The following OLFM3 variants were observed in gnomAD, a reference collection of about 807,000 sequenced individuals.
The protein encoded by OLFM3 is olfactomedin 3, also known as noelin-3.
Under a neutral mutation model 48.6 loss-of-function variants are expected in OLFM3, and 20 were observed. That is an observed-to-expected ratio of 0.41 (90% confidence interval 0.29 to 0.60). OLFM3 has a LOEUF of 0.60. Ranked by LOEUF, OLFM3 falls within the 20% of genes least tolerant of loss-of-function variation. The probability of loss-of-function intolerance (pLI) is 0.28; values close to 1 mark genes in which losing one functional copy is unlikely to be tolerated. For synonymous variants in OLFM3, 222 were observed against 198.1 expected, an observed-to-expected ratio of 1.12 and a Z score of -1.01; for missense variants, 437 against 544.3, an observed-to-expected ratio of 0.80 and a Z score of 1.96.
At chr1:101,935,989 A>G (rs1027900193) in intron 1 of OLFM3, among the ~76,000 whole-genome samples, 2 of 152,120 alleles carry the variant, frequency 1.3e-5, no homozygotes, top group Admixed American at 1.3e-4. Context: ...AATAAGAACC[A>G]TCTATGACAA....
intron 1 of OLFM3, among the ~76,000 whole-genome samples, chr1:101,913,606 AAG>A (rs1374093401): frequency 6.6e-6 from 1 of 152,084 alleles, no homozygotes; most frequent in Non-Finnish European, 1.5e-5. Flanking sequence ...TTAAGTAAAG[AAG>A]ATAATGTCAG....
chr1:101,836,879 C>T lies in OLFM3; in HGVS notation c.216G>A (p.Lys72=), dbSNP rs1293072049. Residue 72 remains lysine (K), a splice_region_variant and synonymous_variant, in exon 2 of 6, where the codon AAG becomes AAA. Transcript: ENST00000370103. ...KSRQLRQLLE[K]VQNMSQSIEV... is the part of the protein sequence containing the mutation. ...TGCATAGGGGACACAGGACACCTAC[C>T]TTTTCCAGTAGTTGGCGAAGTTGCC... The T allele has an allele frequency of 6.2e-6, 10 of 1,613,946 alleles. No individual in the cohort carries two copies. Among genetic ancestry groups the T allele is most frequent in the Non-Finnish European group, 8.5e-6 (10 of 1,179,954 alleles).
At chr1:101,959,850 T>A (rs1378698729) in intron 1 of OLFM3, among the ~76,000 whole-genome samples, 1 of 152,188 alleles carries the variant, frequency 6.6e-6, no homozygotes, top group Admixed American at 6.5e-5. Flanking sequence ...ATAATAAAAA[T>A]GCAAATTTAT....
At chr1:101,886,603 C>G (rs546511128) in intron 1 of OLFM3, among the ~76,000 whole-genome samples, 3 of 152,170 alleles carry the variant, frequency 2.0e-5, no homozygotes, top group Non-Finnish European at 4.4e-5. Context: ...GCTAGAACAT[C>G]AGACACGTGA....
intron 1 of OLFM3, among the ~76,000 whole-genome samples, chr1:101,947,180 T>C (rs1164277970): frequency 6.6e-6 from 1 of 152,234 alleles, no homozygotes; most frequent in Non-Finnish European, 1.5e-5. Flanking sequence ...AATTACTTTT[T>C]AAAATGTTTA....
chr1:101,855,454 C>T (rs1656376473), intron 1 of OLFM3, among the ~76,000 whole-genome samples: 1 of 152,074 alleles, frequency 6.6e-6, no homozygotes, highest in Non-Finnish European at 1.5e-5. Flanking sequence ...TACACACACT[C>T]ACCTCATAGG....
At chr1:101,844,521 T>C (rs1262095499) in intron 1 of OLFM3, among the ~76,000 whole-genome samples, 2 of 152,116 alleles carry the variant, frequency 1.3e-5, no homozygotes, top group African/African-American at 2.4e-5. Context: ...ATTAACCAAA[T>C]GGGGGAAATC....
chr1:101,861,253 G>A (rs1267092540), intron 1 of OLFM3, among the ~76,000 whole-genome samples: 2 of 151,952 alleles, frequency 1.3e-5, no homozygotes, highest in African/African-American at 4.8e-5. Flanking sequence ...GTAGAGACAG[G>A]GTTTCACTAT....
chr1:101,836,071 G>A (rs566327623), intron 2 of OLFM3, among the ~76,000 whole-genome samples: 1 of 152,250 alleles, frequency 6.6e-6, no homozygotes, highest in South Asian at 2.1e-4. Context: ...AGAGTCAATT[G>A]TTAAGCATGA....
chr1:101,868,131 C>T (rs1656928952), intron 1 of OLFM3, among the ~76,000 whole-genome samples: 1 of 152,098 alleles, frequency 6.6e-6, no homozygotes, highest in Non-Finnish European at 1.5e-5. Flanking sequence ...TGTCTTATAG[C>T]AGTGTGAGAA....
At chr1:101,892,152 A>G (rs1441325553) in intron 1 of OLFM3, among the ~76,000 whole-genome samples, 1 of 152,062 alleles carries the variant, frequency 6.6e-6, no homozygotes, top group East Asian at 1.9e-4. Flanking sequence ...CAATTTTGTT[A>G]ATAAATGATT....
chr1:101,964,618 G>A (rs964049971), intron 1 of OLFM3, among the ~76,000 whole-genome samples: 1 of 152,068 alleles, frequency 6.6e-6, no homozygotes, highest in Non-Finnish European at 1.5e-5. Context: ...GGAAAAAAAA[G>A]AAATTATTGT....
chr1:101,915,002 G>C (rs1398546966), intron 1 of OLFM3, among the ~76,000 whole-genome samples: 1 of 152,054 alleles, frequency 6.6e-6, no homozygotes, highest in Non-Finnish European at 1.5e-5. Flanking sequence ...CCCTACTAAA[G>C]TATGTATATT....
At chr1:101,835,559 C>G (rs1170096839) in intron 2 of OLFM3, among the ~76,000 whole-genome samples, 1 of 152,208 alleles carries the variant, frequency 6.6e-6, no homozygotes, top group Non-Finnish European at 1.5e-5. Flanking sequence ...AGGTGATCCA[C>G]CTGCCTTGGC....
intron 1 of OLFM3, among the ~76,000 whole-genome samples, chr1:101,929,443 C>G (rs939112487): frequency 1.3e-5 from 2 of 152,056 alleles, no homozygotes; most frequent in African/African-American, 4.8e-5. Context: ...GGACTCAGCT[C>G]TTGGTGGAAG....
intron 1 of OLFM3, among the ~76,000 whole-genome samples, chr1:101,880,344 T>C (rs186061427): frequency 4.1e-4 from 63 of 151,938 alleles, no homozygotes; most frequent in African/African-American, 1.3e-3. Flanking sequence ...AGCCAGTGTC[T>C]AGCTTACTAA....
At chr1:101,909,531 G>C (rs1440447247) in intron 1 of OLFM3, among the ~76,000 whole-genome samples, 1 of 152,100 alleles carries the variant, frequency 6.6e-6, no homozygotes, top group Non-Finnish European at 1.5e-5. Context: ...AACAAATTTA[G>C]TGTGTTTTGT....
At chr1:101,954,228 C>G (rs1409108233) in intron 1 of OLFM3, among the ~76,000 whole-genome samples, 1 of 151,850 alleles carries the variant, frequency 6.6e-6, no homozygotes, top group East Asian at 1.9e-4. Context: ...GAATTATAAC[C>G]CAAAAGCAAA....
At chr1:101,958,725 TC>T (rs1660375490) in intron 1 of OLFM3, among the ~76,000 whole-genome samples, 1 of 151,846 alleles carries the variant, frequency 6.6e-6, no homozygotes, top group Non-Finnish European at 1.5e-5. Flanking sequence ...GATTTTTTTT[TC>T]CTCTCAAATA....
Sources: gnomAD v4.1 joint callset for allele counts (sites outside exome capture counted in the v4.1 genomes callset) on GRCh38, gnomAD v4.1.1 for gene constraint, MANE v1.5 for transcripts, NCBI Gene and HGNC (gene_info 2026-07-23, HGNC 2026-07-21) for gene names.